The following CAMSAP1 variants were observed in gnomAD, a reference collection of about 807,000 sequenced individuals.
CAMSAP1 encodes the protein calmodulin-regulated spectrin-associated protein 1.
In CAMSAP1, 58 loss-of-function variants were observed where a neutral mutation model predicts 143.5. The ratio of observed to expected loss-of-function variants is 0.40; its 90% CI spans 0.33 to 0.50. The LOEUF (loss-of-function observed/expected upper bound fraction) is 0.50, where lower values mean the gene tolerates loss of function less well. Ranked by LOEUF, CAMSAP1 falls within the 20% of genes least tolerant of loss-of-function variation. The pLI is 0.45. For synonymous variants in CAMSAP1, 945 were observed against 859.3 expected, an observed-to-expected ratio of 1.10 and a Z score of -1.74; for missense variants, 1,969 against 2,115.7, an observed-to-expected ratio of 0.93 and a Z score of 1.36.
At chr9:135,859,944 T>G (rs1837119116) in intron 5 of CAMSAP1, among the ~76,000 whole-genome samples, 1 of 145,340 alleles carries the variant, frequency 6.9e-6, no homozygotes, top group South Asian at 2.2e-4. Context: ...GTGGCTCACG[T>G]ATGGAATCCC....
In CAMSAP1 at chr9:135,894,337, A is replaced by G. The variant is rs117809116; in HGVS notation, c.161-11259T>C. Among the ~76,000 whole-genome samples the G allele has an allele frequency of 1.1e-4, 16 of 152,234 alleles. No homozygotes were observed. The East Asian group carries it at 2.9e-3, about 28-fold the overall frequency. On this transcript the variant is annotated intron_variant, in intron 1 of 16. Transcript: ENST00000389532. ...CACTGGTCACGGGACTCCTCTCCCC[A>G]CTGAGGGAAGCCATCCGAGGGGAGG...
chr9:135,825,862 C>A (rs982082789), intron 8 of CAMSAP1, among the ~76,000 whole-genome samples: 1 of 152,150 alleles, frequency 6.6e-6, no homozygotes, highest in Non-Finnish European at 1.5e-5. Flanking sequence ...AGGACACAGA[C>A]ACCAAAGAGA....
In CAMSAP1 at chr9:135,820,520, T is replaced by G. The variant is rs1039812836; in HGVS notation, c.3822+319A>C. Among the ~76,000 whole-genome samples the G allele has an allele frequency of 1.3e-5, 2 of 149,684 alleles. No individual in the cohort carries two copies. The highest frequency in any genetic ancestry group is 5.0e-5 in the African/African-American group (2 of 40,178). The stretch of plus-strand genomic sequence containing the variant: ...TACGCTTTGGGGCAGGACAGGGAGA[T>G]GACAGGGTTTTGACTGGAAAACCAG... On this transcript the variant is annotated intron_variant, in intron 11 of 16. Coordinates refer to ENST00000389532, the MANE Select transcript of CAMSAP1 (RefSeq NM_015447.4). The surrounding 1 kb of genome is among the most constrained non-coding windows in gnomAD (Gnocchi z 4.4).
At chr9:135,856,313 TG>T (rs1836968474) in intron 5 of CAMSAP1, among the ~76,000 whole-genome samples, 1 of 152,172 alleles carries the variant, frequency 6.6e-6, no homozygotes, top group African/African-American at 2.4e-5. Flanking sequence ...CCAAGCTAAA[TG>T]GGTTTCCCCT....
chr9:135,890,928 G>A (rs1838270955), intron 1 of CAMSAP1, among the ~76,000 whole-genome samples: 1 of 152,172 alleles, frequency 6.6e-6, no homozygotes, highest in Non-Finnish European at 1.5e-5. Flanking sequence ...GCTGACAACA[G>A]CTAAAAACTC....
intron 1 of CAMSAP1, among the ~76,000 whole-genome samples, chr9:135,895,715 G>A (rs979487080): frequency 6.6e-6 from 1 of 152,112 alleles, no homozygotes; most frequent in Admixed American, 6.5e-5. Flanking sequence ...TTTTAACACT[G>A]TCAGATGGTC....
At position 135,850,307 on chromosome 9, in the gene CAMSAP1, A is replaced by G; in HGVS notation, c.948+15T>C. The G allele has an allele frequency of 6.2e-7, 1 of 1,610,398 alleles. No homozygotes were observed. The highest frequency in any genetic ancestry group is 8.5e-7 in the Non-Finnish European group (1 of 1,178,258). On this transcript the variant is annotated intron_variant, in intron 6 of 16. Coordinates refer to ENST00000389532, the MANE Select transcript of CAMSAP1 (RefSeq NM_015447.4). ...ACATGGTTTTAAAACTGCATGCCAA[A>G]TAATTCGTTATTACCTTCAACACTA... is the stretch of plus-strand genomic sequence containing the variant.
intron 3 of CAMSAP1, among the ~76,000 whole-genome samples, chr9:135,867,710 CA>C (rs1423773328): frequency 6.6e-6 from 1 of 152,110 alleles, no homozygotes; most frequent in Non-Finnish European, 1.5e-5. Context: ...CAGAGTAAAT[CA>C]AACATTTGCT....
In CAMSAP1 at chr9:135,907,254, G is replaced by T; in HGVS notation, c.-95C>A. 1.2e-6 allele frequency: 1 copy of T among 838,804 alleles called. No homozygotes were observed. The highest frequency in any genetic ancestry group is 1.1e-4 in the East Asian group (1 of 8,970). 52.0% of individuals were successfully genotyped at this position (838,804 alleles called of 1,614,324 possible). A position where few individuals can be genotyped will look rare whatever the true frequency, so the allele number is the denominator to read the frequency against. ...CCGGTGCGCCCCGAGCCACCACTCGGCCCCGCAGCCGGCCAGCCGGGAGGG... is the reference window on the plus strand; with the variant it reads ...CCGGTGCGCCCCGAGCCACCACTCGTCCCCGCAGCCGGCCAGCCGGGAGGG... On this transcript the variant is annotated 5_prime_UTR_variant, in exon 1 of 17. Coordinates refer to ENST00000389532, the MANE Select transcript of CAMSAP1 (RefSeq NM_015447.4).
chr9:135,848,506 C>T, intron 7 of CAMSAP1, among the ~76,000 whole-genome samples: 1 of 102,326 alleles, frequency 9.8e-6, no homozygotes, highest in East Asian at 2.0e-4. Context: ...TAGCCCCAGA[C>T]ACACACACAC....
Position 135,824,484 on chromosome 9 carries a change from A to G in CAMSAP1, c.1315+305T>C, listed in dbSNP as rs568703730. Among the ~76,000 whole-genome samples, 1 of 152,250 alleles carries G rather than the reference A, an allele frequency of 6.6e-6. No individual in the cohort carries two copies. The highest frequency in any genetic ancestry group is 2.4e-5 in the African/African-American group (1 of 41,548). ...GATCGAGACCATCCTGGCCGACATG[A>G]TGAAACCCTGTCTCTACTAAAAATA... On this transcript the variant is annotated intron_variant, in intron 9 of 16. Coordinates refer to ENST00000389532, the MANE Select transcript of CAMSAP1 (RefSeq NM_015447.4). The surrounding 1 kb of genome is among the most constrained non-coding windows in gnomAD (Gnocchi z 4.1).
At position 135,881,723 on chromosome 9, in the gene CAMSAP1, C is replaced by T; in HGVS notation, c.495G>A (p.Val165=). The T allele has an allele frequency of 1.9e-6, 3 of 1,551,858 alleles. No homozygotes were observed. The highest frequency in any genetic ancestry group is 2.6e-6 in the Non-Finnish European group (3 of 1,147,016). Residue 165 remains valine, a synonymous_variant, in exon 3 of 17, where the codon GTG becomes GTA. Coordinates refer to ENST00000389532, the MANE Select transcript of CAMSAP1 (RefSeq NM_015447.4). ...YTVEMISIEK[V]VASVKRFSTF... ...TTGAGAAGCGCTTGACACTGGCCAC[C>T]ACCTTCTCGATGCTGATCATCTCCA...
chr9:135,881,507 A>C (rs1024892907), intron 3 of CAMSAP1, 126 bp downstream of exon 3: 10 of 1,133,132 alleles, frequency 8.8e-6, no homozygotes, highest in Admixed American at 2.3e-5. Flanking sequence ...TTCTGGACAC[A>C]AAATATGACT....
At chr9:135,841,488 G>A (rs927369834) in intron 7 of CAMSAP1, among the ~76,000 whole-genome samples, 7 of 152,204 alleles carry the variant, frequency 4.6e-5, no homozygotes, top group Admixed American at 1.3e-4. Context: ...CCAGCACAGC[G>A]CTCAAGCTCT....
intron 8 of CAMSAP1, among the ~76,000 whole-genome samples, chr9:135,825,247 T>TA (rs1018571303): frequency 6.6e-6 from 1 of 151,660 alleles, no homozygotes; most frequent in South Asian, 2.1e-4. Context: ...CTGCTTCAAT[T>TA]AAAAAAAAGA....
chr9:135,877,907 T>C (rs1588497355), intron 3 of CAMSAP1, among the ~76,000 whole-genome samples: 1 of 152,140 alleles, frequency 6.6e-6, no homozygotes, highest in East Asian at 1.9e-4. Context: ...ATGGTGAAAC[T>C]TCAGAGCACC....
chr9:135,813,783 C>T (rs1033546081), intron 16 of CAMSAP1, among the ~76,000 whole-genome samples: 4 of 152,254 alleles, frequency 2.6e-5, no homozygotes, highest in Admixed American at 6.5e-5. Context: ...TCCTCCCAGG[C>T]GTCAGGCACA....
chr9:135,894,775 C>T (rs1057447375), intron 1 of CAMSAP1, among the ~76,000 whole-genome samples: 1 of 152,196 alleles, frequency 6.6e-6, no homozygotes, highest in African/African-American at 2.4e-5. Flanking sequence ...TCAGAAATGA[C>T]TTTAATCAGA....
chr9:135,818,656 G>T lies in CAMSAP1; in HGVS notation c.3960-40C>A, dbSNP rs774979529. ...CGCCCAGACACTGCTCGGTCACGGG[G>T]CTTCTTCCACGACGCCTGCGCCGCG... On this transcript the variant is annotated intron_variant, in intron 12 of 16. Coordinates refer to ENST00000389532, the MANE Select transcript of CAMSAP1 (RefSeq NM_015447.4). This position sits in a 1 kb window ranked among gnomAD's most constrained non-coding sequence, Gnocchi z 7.7. 1.3e-6 allele frequency: 2 copies of T among 1,598,554 alleles called. No homozygotes were observed. Among genetic ancestry groups the T allele is most frequent in the Non-Finnish European group, 1.7e-6 (2 of 1,170,890 alleles).
Sources: gnomAD v4.1 joint callset for allele counts (sites outside exome capture counted in the v4.1 genomes callset) on GRCh38, gnomAD v4.1.1 for gene constraint, Gnocchi (gnomAD v3.1) non-coding constraint, MANE v1.5 for transcripts, NCBI Gene and HGNC (gene_info 2026-07-23, HGNC 2026-07-21) for gene names.